Variants in SUPT3H observed in about 807,000 individuals in gnomAD.
SUPT3H encodes the protein SPT3 homolog, SAGA and STAGA complex component.
Under a neutral mutation model 44.3 loss-of-function variants are expected in SUPT3H, and 44 were observed. The observed-to-expected ratio is 0.99, with a 90% confidence interval of 0.78 to 1.28. SUPT3H has a LOEUF of 1.28. SUPT3H is among the 50% of genes most tolerant of loss of function. The probability of loss-of-function intolerance (pLI) is 0.00; values close to 1 mark genes in which losing one functional copy is unlikely to be tolerated. For missense variants in SUPT3H, 380 were observed against 387.1 expected (o/e 0.98, Z 0.15); for synonymous variants, 124 against 125.6 (o/e 0.99, Z 0.09).
intron 2 of SUPT3H, among the ~76,000 whole-genome samples, chr6:45,266,402 CAAG>C (rs1775275837): frequency 6.6e-6 from 1 of 151,394 alleles, no homozygotes; most frequent in Non-Finnish European, 1.5e-5. Flanking sequence ...CTCAAACAAC[CAAG>C]AAGAAATAAA....
intron 6 of SUPT3H, among the ~76,000 whole-genome samples, chr6:45,002,967 G>A (rs1206271733): frequency 2.0e-5 from 3 of 152,086 alleles, no homozygotes; most frequent in Admixed American, 6.6e-5. Flanking sequence ...TATGATAATA[G>A]CAATATGAAC....
chr6:44,857,787 G>A (rs1773985935), intron 10 of SUPT3H, among the ~76,000 whole-genome samples: 1 of 152,148 alleles, frequency 6.6e-6, no homozygotes, highest in South Asian at 2.1e-4. Flanking sequence ...TAGGCAACTA[G>A]CAATAAGCTC....
At chr6:45,036,202 A>C (rs1015333923) in intron 3 of SUPT3H, among the ~76,000 whole-genome samples, 2 of 152,196 alleles carry the variant, frequency 1.3e-5, no homozygotes, top group African/African-American at 4.8e-5. Flanking sequence ...GCTATGCCAA[A>C]TAAGAAGAGT....
chr6:45,318,290 A>ATATC (rs779119690), intron 2 of SUPT3H, among the ~76,000 whole-genome samples: 48 of 152,250 alleles, frequency 3.2e-4, no homozygotes, highest in Admixed American at 9.2e-4. Flanking sequence ...TGCACAGAGG[A>ATATC]TATTTAGGGC....
chr6:45,015,852 T>C lies in SUPT3H; in HGVS notation c.274-961A>G, dbSNP rs576515912. Among the ~76,000 whole-genome samples the C allele has an allele frequency of 3.3e-5, 5 of 151,854 alleles. No homozygotes were observed. In the East Asian group the frequency reaches 7.8e-4, roughly 24 times the overall value. On this transcript the variant is annotated intron_variant, in intron 4 of 10. Transcript: ENST00000371459. ...CTACATAGGGTCAGGACCGTCAATA[T>C]CACTGTCTTCCACCTCCACATCCTG...
chr6:45,049,251 C>T lies in SUPT3H; in HGVS notation c.187-28619G>A, dbSNP rs554348026. 3.9e-5 allele frequency among the ~76,000 whole-genome samples: 6 copies of T among 152,298 alleles called. No homozygotes were observed. The South Asian group carries it at 1.0e-3, about 26-fold the overall frequency. On this transcript the variant is annotated intron_variant, in intron 3 of 10. Transcript: ENST00000371459. ...AGTTCAGCCACCGATCTGCTTCCAA[C>T]CCTGAGACTTCTGGTGCTGGATCTC... is the stretch of plus-strand genomic sequence containing the variant.
At chr6:44,924,329 C>T (rs953043505) in intron 10 of SUPT3H, among the ~76,000 whole-genome samples, 4 of 151,990 alleles carry the variant, frequency 2.6e-5, no homozygotes, top group Admixed American at 2.6e-4. Context: ...ATAAAGTGGA[C>T]ATTAATGGAT....
intron 2 of SUPT3H, among the ~76,000 whole-genome samples, chr6:45,259,421 G>A (rs1773970145): frequency 6.6e-6 from 1 of 151,992 alleles, no homozygotes; most frequent in Admixed American, 6.6e-5. Flanking sequence ...TGCTTTTTCT[G>A]TTTATGTCTT....
chr6:44,935,251 T>C (rs983841160), intron 9 of SUPT3H, among the ~76,000 whole-genome samples: 3 of 152,144 alleles, frequency 2.0e-5, no homozygotes, highest in African/African-American at 7.2e-5. Flanking sequence ...TAATAATCTG[T>C]TCAAATTAAA....
chr6:45,152,739 G>A (rs1454315117), intron 2 of SUPT3H, among the ~76,000 whole-genome samples: 1 of 152,016 alleles, frequency 6.6e-6, no homozygotes, highest in Non-Finnish European at 1.5e-5. Flanking sequence ...TGATCCACTC[G>A]TCTCAGCCTC....
intron 10 of SUPT3H, among the ~76,000 whole-genome samples, chr6:44,924,493 G>A (rs947291252): frequency 1.3e-5 from 2 of 151,990 alleles, no homozygotes; most frequent in African/African-American, 4.8e-5. Context: ...AAATGCTGTA[G>A]TTTTAGAATA....
At chr6:45,315,184 T>G (rs980454767) in intron 2 of SUPT3H, among the ~76,000 whole-genome samples, 2 of 152,212 alleles carry the variant, frequency 1.3e-5, no homozygotes, top group East Asian at 1.9e-4. Context: ...CTAAAAATTC[T>G]AGAAGTTAAC....
At chr6:44,983,788 T>A (rs1779413141) in intron 6 of SUPT3H, among the ~76,000 whole-genome samples, 1 of 152,224 alleles carries the variant, frequency 6.6e-6, no homozygotes, top group African/African-American at 2.4e-5. Flanking sequence ...TTAGTGAGGA[T>A]GTTTTTTAAC....
chr6:45,287,084 G>T (rs576949730), intron 2 of SUPT3H, among the ~76,000 whole-genome samples: 3 of 152,152 alleles, frequency 2.0e-5, no homozygotes, highest in Non-Finnish European at 2.9e-5. Context: ...ACACACCGGA[G>T]CCTGTTGTGG....
chr6:45,229,191 T>G (rs1204507976), intron 2 of SUPT3H, among the ~76,000 whole-genome samples: 1 of 152,118 alleles, frequency 6.6e-6, no homozygotes, highest in East Asian at 1.9e-4. Flanking sequence ...TTTGGGTTTT[T>G]TAATTTTATT....
intron 10 of SUPT3H, among the ~76,000 whole-genome samples, chr6:44,908,440 C>A (rs931502325): frequency 1.3e-5 from 2 of 152,068 alleles, no homozygotes; most frequent in Non-Finnish European, 2.9e-5. Context: ...CATAAGCCAC[C>A]GTGTCTGGCC....
chr6:45,074,371 A>G (rs183246689), intron 3 of SUPT3H, among the ~76,000 whole-genome samples: 2 of 152,118 alleles, frequency 1.3e-5, no homozygotes, highest in African/African-American at 2.4e-5. Flanking sequence ...CAAAACATAG[A>G]AAGTATTAAT....
intron 10 of SUPT3H, among the ~76,000 whole-genome samples, chr6:44,870,983 G>C (rs1407416034): frequency 1.3e-5 from 2 of 151,294 alleles, no homozygotes; most frequent in Non-Finnish European, 3.0e-5. Context: ...CCCACACCTG[G>C]CTCAGAGGGT....
chr6:45,262,113 T>C (rs575984132), intron 2 of SUPT3H, among the ~76,000 whole-genome samples: 1 of 152,264 alleles, frequency 6.6e-6, no homozygotes, highest in South Asian at 2.1e-4. Context: ...TGCTTGTGGA[T>C]AGCAAGAATC....
Sources: allele counts gnomAD v4.1 joint callset (sites outside exome capture counted in the v4.1 genomes callset), GRCh38; gene constraint gnomAD v4.1.1; transcripts MANE v1.5; gene names NCBI Gene and HGNC (gene_info 2026-07-23, HGNC 2026-07-21).